Variants in GAS2 observed in about 807,000 individuals in gnomAD.
GAS2 encodes growth arrest specific 2.
Under a neutral mutation model 37.5 loss-of-function variants are expected in GAS2, and 20 were observed. The observed-to-expected ratio is 0.53, with a 90% CI of 0.37 to 0.77. The LOEUF is 0.77. Ranked by LOEUF, GAS2 falls within the 30% of genes least tolerant of loss-of-function variation. The pLI, the probability that GAS2 is intolerant of heterozygous loss-of-function variation, is 0.00. For missense variants in GAS2, 336 were observed against 373.4 expected, an observed-to-expected ratio of 0.90 and a Z score of 0.82; for synonymous variants, 144 against 132.2, an observed-to-expected ratio of 1.09 and a Z score of -0.61.
At chr11:22,771,434 C>T (rs1365060316) in intron 7 of GAS2, among the ~76,000 whole-genome samples, 1 of 152,090 alleles carries the variant, frequency 6.6e-6, no homozygotes, top group Non-Finnish European at 1.5e-5. Context: ...GCAAAAGGAA[C>T]CTCATGGACC....
At chr11:22,641,923 A>G (rs997025189) in intron 1 of GAS2, among the ~76,000 whole-genome samples, 10 of 152,198 alleles carry the variant, frequency 6.6e-5, no homozygotes, top group African/African-American at 1.9e-4. Context: ...AAAATATATG[A>G]CAGAACAATG....
At position 22,651,046 on chromosome 11, in the gene GAS2, G is replaced by A. The variant is rs549291783; in HGVS notation, c.-20-23804G>A. Among the ~76,000 whole-genome samples the A allele has an allele frequency of 2.6e-5, 4 of 152,298 alleles. No individual in the cohort carries two copies. In the South Asian group the frequency reaches 8.3e-4, roughly 32 times the overall value. ...CTTTACATTTTGGCATGATTTTGCA[G>A]CAGCTGGTATCGGTTGTTCCTTTCC... On this transcript the variant is annotated intron_variant, in intron 1 of 5. Transcript: ENST00000528582.
rs1306301007 is a variant in GAS2 at position 22,735,301 on chromosome 11, G to A, written c.410-2404G>A. On this transcript the variant is annotated intron_variant, in intron 4 of 7. Transcript: ENST00000454584. Reference sequence around the variant, plus strand: ...TATTTGAAAAACTATTAACATATGAGGTAATATTACAGATGTGCTTTAAAA... The same window carrying A: ...TATTTGAAAAACTATTAACATATGAAGTAATATTACAGATGTGCTTTAAAA... 2.7e-5 allele frequency among the ~76,000 whole-genome samples: 4 copies of A among 145,580 alleles called. No homozygotes were observed. The East Asian group carries it at 8.0e-4, about 29-fold the overall frequency.
At chr11:22,725,021 A>C (rs1471786810) in intron 3 of GAS2, among the ~76,000 whole-genome samples, 1 of 152,060 alleles carries the variant, frequency 6.6e-6, no homozygotes, top group Admixed American at 6.6e-5. Context: ...ATAAATTTAA[A>C]TCACAAAGTG....
In GAS2 at chr11:22,811,990, T is replaced by G. The variant is rs1022682962; in HGVS notation, c.916T>G (p.Tyr306Asp). 6.2e-6 allele frequency: 10 copies of G among 1,613,932 alleles called. No homozygotes were observed. The highest frequency in any genetic ancestry group is 5.1e-6 in the Non-Finnish European group (6 of 1,179,962). ...TAACTACTTGGTGGTCTCTGCCAGT[T>G]ATAAGGCTAAGAAGGAAATTAAGTG... Reference protein sequence around the residue: ...PDNYLVVSASYKAKKEIK With the variant: ...PDNYLVVSASDKAKKEIK Residue 306 changes from tyrosine to aspartate, a missense_variant, in exon 8 of 8, where the codon TAT becomes GAT. Tyr to Asp is a radical substitution (Grantham distance 160). Coordinates refer to ENST00000454584, the MANE Select transcript of GAS2 (RefSeq NM_001143830.3).
rs144305460 is a variant in GAS2, at chr11:22,631,262, G to A, written c.-21+5449G>A. Among the ~76,000 whole-genome samples the A allele has an allele frequency of 5.6e-4, 85 of 152,120 alleles. 1 individual carries two copies. The highest frequency in any genetic ancestry group is 1.8e-3 in the African/African-American group (75 of 41,534). The stretch of plus-strand genomic sequence containing the variant: ...TTTGGGGTTTCCTAGGTATATTATC[G>A]CATCATCAGCAAACAGAGATAGTTT... On this transcript the variant is annotated intron_variant, in intron 1 of 5. Coordinates refer to the GAS2 transcript ENST00000528582.
intron 2 of GAS2, among the ~76,000 whole-genome samples, chr11:22,682,486 ATCT>A: frequency 6.6e-6 from 1 of 152,306 alleles, no homozygotes; most frequent in Non-Finnish European, 1.5e-5. Context: ...AGTAAAGTTT[ATCT>A]TCTTTATCTT....
intron 3 of GAS2, among the ~76,000 whole-genome samples, chr11:22,710,981 A>G (rs1851377850): frequency 6.6e-6 from 1 of 152,240 alleles, no homozygotes; most frequent in Non-Finnish European, 1.5e-5. Context: ...ACTAACAAGC[A>G]GCTCCCACTT....
rs35511637 is a variant in GAS2 at position 22,781,274 on chromosome 11, TG to T, written c.723+25327del. 8.2e-3 allele frequency among the ~76,000 whole-genome samples: 1,250 copies of T among 152,214 alleles called. 19 individuals carry two copies. Among genetic ancestry groups the T allele is most frequent in the African/African-American group, 0.028 (1,176 of 41,524 alleles). On this transcript the variant is annotated intron_variant, in intron 7 of 7. Transcript: ENST00000454584. ...TCTGAGCTATTCACTGAGGTGGGGATGGGGGGTCTCCTAGAAGGCCCTTCAG... is the reference window on the plus strand; with the variant it reads ...TCTGAGCTATTCACTGAGGTGGGGATGGGGGTCTCCTAGAAGGCCCTTCAG...
chr11:22,726,497 A>G, intron 4 of GAS2, 64 bp downstream of exon 4: 11 of 1,466,390 alleles, frequency 7.5e-6, no homozygotes, highest in Admixed American at 2.2e-5. Flanking sequence ...CTTTGTCAGT[A>G]TAGCCATCAA....
chr11:22,794,244 C>T (rs922584408), intron 7 of GAS2, among the ~76,000 whole-genome samples: 3 of 151,808 alleles, frequency 2.0e-5, no homozygotes, highest in Admixed American at 6.6e-5. Context: ...AATACATATA[C>T]ATTGTTAATA....
chr11:22,805,367 C>A (rs943349445), intron 7 of GAS2, among the ~76,000 whole-genome samples: 3 of 151,966 alleles, frequency 2.0e-5, no homozygotes, highest in Non-Finnish European at 4.4e-5. Flanking sequence ...ATTTTTGTGG[C>A]AAGAACTCTT....
chr11:22,691,898 C>G (rs1850262664), intron 3 of GAS2, among the ~76,000 whole-genome samples: 1 of 152,030 alleles, frequency 6.6e-6, no homozygotes, highest in South Asian at 2.1e-4. Flanking sequence ...TTTTTTAAGT[C>G]TCTGACCAAA....
chr11:22,735,224 C>CTTTTTTTTTTTTTTTTTT (rs397750049), intron 4 of GAS2, among the ~76,000 whole-genome samples: 3 of 109,206 alleles, frequency 2.7e-5, no homozygotes, highest in Non-Finnish European at 5.3e-5. Context: ...ACCAATCATT[C>CTTTTTTTTTTTTTTTTTT]TTTTTTTTTT....
chr11:22,652,488 G>T (rs1349310356), intron 1 of GAS2, among the ~76,000 whole-genome samples: 2 of 152,222 alleles, frequency 1.3e-5, no homozygotes, highest in African/African-American at 4.8e-5. Context: ...ACCTAAGCAA[G>T]CCTGGGCAAT....
chr11:22,644,920 G>A (rs1370775261), intron 1 of GAS2, among the ~76,000 whole-genome samples: 4 of 152,024 alleles, frequency 2.6e-5, no homozygotes, highest in African/African-American at 7.2e-5. Flanking sequence ...CACCACTACC[G>A]GCCGCCTATT....
chr11:22,725,568 A>G (rs67582812), intron 3 of GAS2, among the ~76,000 whole-genome samples: 21,297 of 152,038 alleles, frequency 0.14, 1,672 homozygotes, highest in East Asian at 0.2. Flanking sequence ...AGCTGGGACC[A>G]TAGATGTACA....
chr11:22,725,074 T>C (rs1184031340), intron 3 of GAS2, among the ~76,000 whole-genome samples: 2 of 152,082 alleles, frequency 1.3e-5, no homozygotes, highest in African/African-American at 2.4e-5. Context: ...AAGTCCTATG[T>C]AGCCCAGTTC....
intron 3 of GAS2, among the ~76,000 whole-genome samples, chr11:22,716,112 C>T (rs149146392): frequency 6.6e-6 from 1 of 152,244 alleles, no homozygotes; most frequent in East Asian, 1.9e-4. Context: ...TCAGTAGATG[C>T]AGAAAAAGCA....
Sources: gnomAD v4.1 joint callset for allele counts (sites outside exome capture counted in the v4.1 genomes callset) on GRCh38, gnomAD v4.1.1 for gene constraint, MANE v1.5 for transcripts, NCBI Gene and HGNC (gene_info 2026-07-23, HGNC 2026-07-21) for gene names.